Variants in KANSL1L observed in about 807,000 individuals in gnomAD.
KANSL1L encodes the protein KAT8 regulatory NSL complex subunit 1 like.
A neutral mutation model predicts 108.6 loss-of-function variants in KANSL1L; 25 were observed. The ratio of observed to expected loss-of-function variants is 0.23; its 90% confidence interval spans 0.17 to 0.32. The LOEUF (loss-of-function observed/expected upper bound fraction) is 0.32, where lower values mean the gene tolerates loss of function less well. Among genes scored for constraint, KANSL1L ranks in the 10% least tolerant of loss-of-function variants. The pLI is 1.00. For missense variants in KANSL1L, 1,137 were observed against 1,125.7 expected, an observed-to-expected ratio of 1.01 and a Z score of -0.14; for synonymous variants, 405 against 395.1, an observed-to-expected ratio of 1.03 and a Z score of -0.30.
At chr2:210,147,347 A>G (rs1394069837) in intron 2 of KANSL1L, among the ~76,000 whole-genome samples, 2 of 152,212 alleles carry the variant, frequency 1.3e-5, no homozygotes, top group Non-Finnish European at 2.9e-5. Context: ...CTGTAGTCCT[A>G]GCTACTCAGG....
At chr2:210,172,306 A>G (rs1559626584), upstream of KANSL1L, among the ~76,000 whole-genome samples, 1 of 152,228 alleles carries the variant, frequency 6.6e-6, no homozygotes, top group African/African-American at 2.4e-5. Flanking sequence ...TACACATGAA[A>G]TGATTTAAGG....
chr2:210,120,737 A>T (rs192151603), intron 3 of KANSL1L, among the ~76,000 whole-genome samples: 1 of 152,228 alleles, frequency 6.6e-6, no homozygotes, highest in Non-Finnish European at 1.5e-5. Context: ...AAATTTTTGC[A>T]AACTATGCAT....
chr2:210,128,962 G>T, intron 3 of KANSL1L, 69 bp downstream of exon 3: 1 of 1,217,954 alleles, frequency 8.2e-7, no homozygotes, highest in Admixed American at 2.3e-5. Context: ...TTATTTTTGT[G>T]ATCAAATGAG....
At chr2:210,074,089 CAAGG>C (rs2094526089) in intron 6 of KANSL1L, among the ~76,000 whole-genome samples, 2 of 152,058 alleles carry the variant, frequency 1.3e-5, no homozygotes, top group Non-Finnish European at 2.9e-5. Context: ...CTGGGCATGT[CAAGG>C]AAGGCTTCCT....
chr2:210,085,657 C>A (rs1478015770), intron 5 of KANSL1L, among the ~76,000 whole-genome samples: 3 of 151,860 alleles, frequency 2.0e-5, no homozygotes, highest in African/African-American at 7.2e-5. Flanking sequence ...TTCATTTATA[C>A]CCTTCACATC....
At chr2:210,098,609 CAACT>C (rs1260479654) in intron 4 of KANSL1L, among the ~76,000 whole-genome samples, 9 of 152,014 alleles carry the variant, frequency 5.9e-5, no homozygotes, top group Admixed American at 5.9e-4. Flanking sequence ...TCAATCTTTA[CAACT>C]AACCAGCAAA....
intron 6 of KANSL1L, among the ~76,000 whole-genome samples, chr2:210,058,384 T>A (rs1205884836): frequency 1.3e-5 from 2 of 152,160 alleles, no homozygotes; most frequent in African/African-American, 4.8e-5. Flanking sequence ...CGAAACTTCA[T>A]TAGCAATTTT....
At chr2:210,050,769 G>A (rs897197945) in intron 6 of KANSL1L, among the ~76,000 whole-genome samples, 14 of 152,126 alleles carry the variant, frequency 9.2e-5, no homozygotes, top group African/African-American at 3.4e-4. Flanking sequence ...GGAGGCAGAG[G>A]TGCAGGATCA....
At chr2:210,035,469 G>T (rs978561011) in intron 8 of KANSL1L, among the ~76,000 whole-genome samples, 1 of 152,132 alleles carries the variant, frequency 6.6e-6, no homozygotes, top group Non-Finnish European at 1.5e-5. Flanking sequence ...CAAGTTATTT[G>T]TAGATATTTG....
intron 6 of KANSL1L, among the ~76,000 whole-genome samples, chr2:210,064,514 C>G (rs1286886768): frequency 6.6e-6 from 1 of 151,936 alleles, no homozygotes; most frequent in Non-Finnish European, 1.5e-5. Flanking sequence ...TCTTACTGCT[C>G]TAGTAGAAAA....
At chr2:210,045,875 G>A (rs1002543061) in intron 6 of KANSL1L, among the ~76,000 whole-genome samples, 16 of 152,036 alleles carry the variant, frequency 1.1e-4, no homozygotes, top group Admixed American at 6.6e-4. Context: ...TATTTTCTCT[G>A]TGTCTTTACT....
At chr2:210,160,541 G>T (rs1336672532) in intron 1 of KANSL1L, among the ~76,000 whole-genome samples, 3 of 152,014 alleles carry the variant, frequency 2.0e-5, no homozygotes, top group Non-Finnish European at 2.9e-5. Flanking sequence ...TAAAAAACTA[G>T]AAATAGAAAT....
At position 210,153,634 on chromosome 2, in the gene KANSL1L, T is replaced by C; in HGVS notation, c.949A>G (p.Thr317Ala). 1 of 1,613,052 alleles carries C rather than the reference T, an allele frequency of 6.2e-7. No homozygotes were observed. Among genetic ancestry groups the C allele is most frequent in the Non-Finnish European group, 8.5e-7 (1 of 1,179,710 alleles). ...GCAAATCTTTGGATTTCCGCAGCTG[T>C]ACACCGTGCAAAGCCATTTTTTGCA... ...DDAKNGFARC[T>A]AAEIQRFAFS... The change falls in exon 2 of 15, where the codon ACA (threonine) becomes GCA (alanine). Residue 317 changes from threonine to alanine, a missense_variant. Physicochemically the swap from Thr to Ala is moderately conservative, Grantham distance 58. This residue lies in a region of KANSL1L where 556 missense variants were observed against 537.7 expected (regional missense o/e 1.03). Coordinates refer to ENST00000281772, the MANE Select transcript of KANSL1L (RefSeq NM_152519.4).
chr2:210,146,777 G>T (rs1025548470), intron 2 of KANSL1L, among the ~76,000 whole-genome samples: 1 of 152,180 alleles, frequency 6.6e-6, no homozygotes, highest in Non-Finnish European at 1.5e-5. Flanking sequence ...CTGATTTATA[G>T]CAAGATTTAA....
At chr2:210,102,617 C>T (rs201881710) in intron 4 of KANSL1L, among the ~76,000 whole-genome samples, 11 of 152,116 alleles carry the variant, frequency 7.2e-5, no homozygotes, top group Middle Eastern at 6.8e-3. Flanking sequence ...AACAAATTTA[C>T]GAGAAAAAAA....
chr2:210,111,570 C>T (rs1448975798), intron 3 of KANSL1L, among the ~76,000 whole-genome samples: 1 of 152,020 alleles, frequency 6.6e-6, no homozygotes, highest in Non-Finnish European at 1.5e-5. Flanking sequence ...GTGATGGTTA[C>T]AAGAGTAGAT....
chr2:210,106,945 C>G (rs1168149623), intron 3 of KANSL1L, among the ~76,000 whole-genome samples: 1 of 151,970 alleles, frequency 6.6e-6, no homozygotes, highest in Non-Finnish European at 1.5e-5. Flanking sequence ...ATTTAATCCT[C>G]TGGGGACACA....
chr2:210,127,602 C>A (rs950763259), intron 3 of KANSL1L, among the ~76,000 whole-genome samples: 2 of 151,522 alleles, frequency 1.3e-5, no homozygotes, highest in African/African-American at 2.4e-5. Flanking sequence ...AGTTCGAGAC[C>A]AGCCTGGGCA....
intron 5 of KANSL1L, among the ~76,000 whole-genome samples, chr2:210,087,342 G>C (rs573658697): frequency 5.9e-5 from 9 of 152,146 alleles, no homozygotes; most frequent in Admixed American, 4.6e-4. Flanking sequence ...TTTTAAGAGA[G>C]GCCTTCTCTC....
Sources: gnomAD v4.1 joint callset for allele counts (sites outside exome capture counted in the v4.1 genomes callset) on GRCh38, gnomAD v4.1.1 for gene constraint, gnomAD v4.1.1 regional missense constraint, MANE v1.5 for transcripts, NCBI Gene and HGNC (gene_info 2026-07-23, HGNC 2026-07-21) for gene names.